The following FER variants were observed in gnomAD, a reference collection of about 807,000 sequenced individuals.
The protein encoded by FER is tyrosine-protein kinase Fer.
FER carries 63 observed loss-of-function variants against 111.0 expected under a neutral mutation model. That is an observed-to-expected ratio of 0.57 (90% CI 0.46 to 0.70). FER has a LOEUF of 0.70. Among genes scored for constraint, FER ranks in the 30% least tolerant of loss-of-function variants. The pLI is 0.00. For synonymous variants in FER, 327 were observed against 313.9 expected (o/e 1.04, Z -0.44); for missense variants, 914 against 954.0 (o/e 0.96, Z 0.55).
intron 13 of FER, among the ~76,000 whole-genome samples, chr5:109,014,300 T>C (rs1766723917): frequency 6.6e-6 from 1 of 152,246 alleles, no homozygotes; most frequent in Non-Finnish European, 1.5e-5. Flanking sequence ...TTTCTACATA[T>C]GGCTAGCCAG....
Position 108,917,154 on chromosome 5 carries a change from G to A in FER, c.1236+19306G>A, listed in dbSNP as rs560149336. On this transcript the variant is annotated intron_variant, in intron 10 of 19. Transcript: ENST00000281092. ...TGATACAAAGATGATATGTAGATAC[G>A]TTGATTTTGACTTTTTTGCTAGCTA... 8.5e-5 allele frequency among the ~76,000 whole-genome samples: 13 copies of A among 152,192 alleles called. No homozygotes were observed. In the South Asian group the frequency reaches 1.7e-3, roughly 19 times the overall value.
chr5:109,169,543 A>G, intron 17 of FER, among the ~76,000 whole-genome samples: 1 of 152,316 alleles, frequency 6.6e-6, no homozygotes, highest in Middle Eastern at 3.4e-3. Context: ...TTTCATTTTA[A>G]AAGAATGTAA....
chr5:108,937,372 C>T (rs188109782), intron 10 of FER, among the ~76,000 whole-genome samples: 15 of 152,048 alleles, frequency 9.9e-5, no homozygotes, highest in Admixed American at 4.6e-4. Context: ...CTACCTCTTG[C>T]GACATCTAAA....
At chr5:109,000,084 A>G (rs1581587068) in intron 13 of FER, among the ~76,000 whole-genome samples, 3 of 151,838 alleles carry the variant, frequency 2.0e-5, no homozygotes. Flanking sequence ...GGACGCTGGC[A>G]TAGTCTTTTA....
chr5:109,137,463 C>T (rs1197365556), intron 17 of FER, among the ~76,000 whole-genome samples: 1 of 152,184 alleles, frequency 6.6e-6, no homozygotes, highest in Non-Finnish European at 1.5e-5. Flanking sequence ...AAGGCACTAA[C>T]CTTGGTCTGG....
In FER at chr5:109,004,646, T is replaced by A. The variant is rs544796673; in HGVS notation, c.1657-32776T>A. On this transcript the variant is annotated intron_variant, in intron 13 of 19. Coordinates refer to ENST00000281092, the MANE Select transcript of FER (RefSeq NM_005246.4). ...CACAAATTTACCATATGATTACAAA[T>A]TTATTTTAAAATATTTTAAAATTTA... Among the ~76,000 whole-genome samples the A allele has an allele frequency of 2.0e-5, 3 of 152,318 alleles. No homozygotes were observed. In the South Asian group the frequency reaches 6.2e-4, roughly 32 times the overall value.
At chr5:108,900,987 G>A (rs1749928227) in intron 10 of FER, among the ~76,000 whole-genome samples, 1 of 152,132 alleles carries the variant, frequency 6.6e-6, no homozygotes, top group South Asian at 2.1e-4. Context: ...ACCTTTGAGA[G>A]GTGATTAGGT....
At chr5:109,103,532 A>T (rs1232385932) in intron 17 of FER, among the ~76,000 whole-genome samples, 1 of 152,178 alleles carries the variant, frequency 6.6e-6, no homozygotes, top group Non-Finnish European at 1.5e-5. Context: ...TTTAACTTCC[A>T]GAAGAGTTCT....
At chr5:109,163,162 A>C (rs1414079221) in intron 17 of FER, among the ~76,000 whole-genome samples, 1 of 152,120 alleles carries the variant, frequency 6.6e-6, no homozygotes, top group African/African-American at 2.4e-5. Context: ...GTTTTGTTCT[A>C]GCTTTCTTTT....
chr5:109,085,979 A>G (rs769090029), intron 16 of FER, among the ~76,000 whole-genome samples: 4 of 151,852 alleles, frequency 2.6e-5, no homozygotes, highest in Non-Finnish European at 4.4e-5. Flanking sequence ...TTGTCAAATG[A>G]CATTGTTTTA....
At chr5:109,131,765 AAAT>A (rs1348316000) in intron 17 of FER, among the ~76,000 whole-genome samples, 1 of 152,162 alleles carries the variant, frequency 6.6e-6, no homozygotes, top group Non-Finnish European at 1.5e-5. Context: ...TAAGAACAGA[AAAT>A]AATCCATATT....
intron 13 of FER, among the ~76,000 whole-genome samples, chr5:109,000,824 C>T (rs1303764850): frequency 1.3e-5 from 2 of 152,092 alleles, no homozygotes; most frequent in African/African-American, 4.8e-5. Flanking sequence ...AAAGGGATAT[C>T]ACCACCTGTC....
Position 109,180,880 on chromosome 5 carries a change from G to A in FER, c.2182G>A (p.Ala728Thr), listed in dbSNP as rs750617692. ...AAAGCAGATTCCCATTAAATGGACA[G>A]CACCGGAAGCTCTTAATTATGGTAA... is the stretch of plus-strand genomic sequence containing the variant. ...GLKQIPIKWTAPEALNYGRYS... is the reference protein window; with the variant it reads ...GLKQIPIKWTTPEALNYGRYS... Residue 728 changes from alanine to threonine, a missense_variant, in exon 18 of 20, where the codon GCA (alanine) becomes ACA (threonine). Coordinates refer to ENST00000281092, the MANE Select transcript of FER (RefSeq NM_005246.4). The A allele has an allele frequency of 1.9e-6, 3 of 1,609,492 alleles. No individual in the cohort carries two copies.
chr5:109,018,428 C>T (rs1767483889), intron 13 of FER, among the ~76,000 whole-genome samples: 1 of 151,782 alleles, frequency 6.6e-6, no homozygotes, highest in African/African-American at 2.4e-5. Context: ...ATGTAGAGAA[C>T]CTTAGATAAG....
intron 1 of FER, chr5:108,749,139 G>A (rs553419404): frequency 2.5e-3 from 375 of 152,628 alleles, no homozygotes; most frequent in South Asian, 4.6e-3. Flanking sequence ...AGGGCGTTGG[G>A]GGCTGTGCCG....
chr5:108,867,722 TTTC>T, intron 5 of FER, 42 bp from the exon 6 acceptor site: 1 of 1,550,510 alleles, frequency 6.4e-7, no homozygotes, highest in Non-Finnish European at 8.7e-7. Context: ...TACAATTTTT[TTTC>T]TTATCTCTTT....
intron 17 of FER, among the ~76,000 whole-genome samples, chr5:109,158,987 A>C (rs1477384024): frequency 6.6e-6 from 1 of 152,204 alleles, no homozygotes; most frequent in Admixed American, 6.5e-5. Context: ...TGGGATTATT[A>C]TGAAAAGATA....
At chr5:108,870,751 G>T (rs976298900) in intron 6 of FER, among the ~76,000 whole-genome samples, 1 of 152,106 alleles carries the variant, frequency 6.6e-6, no homozygotes, top group African/African-American at 2.4e-5. Flanking sequence ...TTACAGTATA[G>T]CATTTTTAAG....
At chr5:108,991,885 AATTT>A (rs761895297) in intron 13 of FER, among the ~76,000 whole-genome samples, 127 of 150,716 alleles carry the variant, frequency 8.4e-4, no homozygotes, top group Non-Finnish European at 1.5e-3. Flanking sequence ...TAAATTAATT[AATTT>A]ATTTTTATTG....
Sources: gnomAD v4.1 joint callset for allele counts (sites outside exome capture counted in the v4.1 genomes callset) on GRCh38, gnomAD v4.1.1 for gene constraint, MANE v1.5 for transcripts, NCBI Gene and HGNC (gene_info 2026-07-23, HGNC 2026-07-21) for gene names.